SNCB: variants seen among roughly 807,000 people sequenced by gnomAD.
The protein encoded by SNCB is synuclein beta, also known as beta-synuclein.
A neutral mutation model predicts 20.0 loss-of-function variants in SNCB; 8 were observed. That is an observed-to-expected ratio of 0.40 (90% CI 0.24 to 0.72). The LOEUF (loss-of-function observed/expected upper bound fraction) is 0.72, where lower values mean the gene tolerates loss of function less well. Ranked by LOEUF, SNCB falls within the 30% of genes least tolerant of loss-of-function variation. The pLI, the probability that SNCB is intolerant of heterozygous loss-of-function variation, is 0.37. For missense variants in SNCB, 125 were observed against 168.0 expected (o/e 0.74, Z 1.41); for synonymous variants, 56 against 65.4 (o/e 0.86, Z 0.69).
intron 4 of SNCB, among the ~76,000 whole-genome samples, chr5:176,622,788 G>A (rs538530261): frequency 5.5e-4 from 80 of 144,758 alleles, no homozygotes; most frequent in Middle Eastern, 3.7e-3. Context: ...CCAGGCTGGT[G>A]CGCAGTGGTG....
rs764784488 is a variant in SNCB at position 176,621,328 on chromosome 5, C to T, written c.283-25G>A. 6.9e-6 allele frequency: 11 copies of T among 1,595,702 alleles called. No individual in the cohort carries two copies. Among genetic ancestry groups the T allele is most frequent in the South Asian group, 4.5e-5 (4 of 89,020 alleles). On this transcript the variant is annotated intron_variant, in intron 4 of 5. Coordinates refer to ENST00000393693, the MANE Select transcript of SNCB (RefSeq NM_003085.5). This position sits in a 1 kb window ranked among gnomAD's most constrained non-coding sequence, Gnocchi z 4.1. ...GCTGTGGGCAGAAAAGGTCAGGACT[C>T]GTGAGGACAGCCAGGATGCCCCCCA...
chr5:176,628,397 G>A (rs913171747), intron 2 of SNCB, among the ~76,000 whole-genome samples: 1 of 152,094 alleles, frequency 6.6e-6, no homozygotes, highest in Non-Finnish European at 1.5e-5. Context: ...CCCTCATCCT[G>A]TGGCCTCATC....
At position 176,626,837 on chromosome 5, in the gene SNCB, C is replaced by T; in HGVS notation, c.122-76G>A. On this transcript the variant is annotated intron_variant, in intron 2 of 5. Transcript: ENST00000393693. This position sits in a 1 kb window ranked among gnomAD's most constrained non-coding sequence, Gnocchi z 4.2. ...AAACTCCAGCACAGCATGGTGATTA[C>T]AGAGTGGGCATCCTGGCCCCGTCAC... 1 of 1,515,644 alleles carries T rather than the reference C, an allele frequency of 6.6e-7. No homozygotes were observed. Among genetic ancestry groups the T allele is most frequent in the Non-Finnish European group, 9.2e-7 (1 of 1,090,732 alleles). The allele number at this position is 1,515,644 out of a possible 1,614,324, so 93.9% of individuals were successfully genotyped here. A position where few individuals can be genotyped will look rare whatever the true frequency, so the allele number is the denominator to read the frequency against.
At chr5:176,622,737 T>TC in intron 4 of SNCB, among the ~76,000 whole-genome samples, 1 of 141,236 alleles carries the variant, frequency 7.1e-6, no homozygotes, top group Non-Finnish European at 1.5e-5. Context: ...GATGACTTTT[T>TC]TTTTTTTTTT....
At chr5:176,627,511 C>T (rs1760041368) in intron 2 of SNCB, among the ~76,000 whole-genome samples, 1 of 152,232 alleles carries the variant, frequency 6.6e-6, no homozygotes, top group African/African-American at 2.4e-5. Flanking sequence ...TTCAAAATGT[C>T]TGGGGGCCGC....
intron 2 of SNCB, among the ~76,000 whole-genome samples, chr5:176,628,348 T>C (rs1760104798): frequency 6.6e-6 from 1 of 152,046 alleles, no homozygotes; most frequent in Non-Finnish European, 1.5e-5. Context: ...CACTTTAGCC[T>C]TCTCCCGGTC....
intron 4 of SNCB, among the ~76,000 whole-genome samples, chr5:176,623,783 T>C (rs1039922356): frequency 5.3e-5 from 8 of 152,002 alleles, no homozygotes; most frequent in Admixed American, 5.2e-4. Context: ...GGCAGGAGGA[T>C]TGCTTGAGCC....
chr5:176,629,396 A>C lies in SNCB; in HGVS notation c.121+138T>G. The C allele has an allele frequency of 1.1e-6, 1 of 916,484 alleles. No homozygotes were observed. 56.8% of individuals were successfully genotyped at this position (916,484 alleles called of 1,614,324 possible). On this transcript the variant is annotated intron_variant, in intron 2 of 5. Transcript: ENST00000393693. This position sits in a 1 kb window ranked among gnomAD's most constrained non-coding sequence, Gnocchi z 4.1. The stretch of plus-strand genomic sequence containing the variant: ...CTTCTATGGGCTGGCTATGTCCCCT[A>C]TGACCCCTGCTGACCTCGCCCCATC...
In SNCB at chr5:176,626,829, GGT is replaced by G; in HGVS notation, c.122-70_122-69del. 1 of 1,557,564 alleles carries G rather than the reference GGT, an allele frequency of 6.4e-7. No individual in the cohort carries two copies. The highest frequency in any genetic ancestry group is 1.4e-5 in the African/African-American group (1 of 73,886). On this transcript the variant is annotated intron_variant, in intron 2 of 5. Transcript: ENST00000393693. This position sits in a 1 kb window ranked among gnomAD's most constrained non-coding sequence, Gnocchi z 4.2. ...GGGAACAGAAACTCCAGCACAGCAT[GGT>G]GATTACAGAGTGGGCATCCTGGCCC...
rs1020115383 is a variant in SNCB, at chr5:176,629,291, C to T, written c.121+243G>A. 1.8e-6 allele frequency: 1 copy of T among 570,488 alleles called. No individual in the cohort carries two copies. The highest frequency in any genetic ancestry group is 2.9e-5 in the East Asian group (1 of 34,236). The allele number at this position is 570,488 out of a possible 1,614,324, so 35.3% of individuals were successfully genotyped here. The stretch of plus-strand genomic sequence containing the variant: ...AGGAGGCTGTCTGCTTTCATCACTG[C>T]ACTGGTCCCTGGCCTTTCAGCTGGA... On this transcript the variant is annotated intron_variant, in intron 2 of 5. Transcript: ENST00000393693. This position sits in a 1 kb window ranked among gnomAD's most constrained non-coding sequence, Gnocchi z 4.1.
intron 4 of SNCB, among the ~76,000 whole-genome samples, chr5:176,624,835 G>T (rs946944281): frequency 1.3e-5 from 2 of 151,442 alleles, no homozygotes; most frequent in African/African-American, 2.4e-5. Context: ...AAACAAATGG[G>T]AAGTCATACA....
At chr5:176,624,815 A>AAC (rs1173596475) in intron 4 of SNCB, among the ~76,000 whole-genome samples, 4 of 148,358 alleles carry the variant, frequency 2.7e-5, no homozygotes, top group African/African-American at 1.0e-4. Context: ...AAAAAAAAAA[A>AAC]AACAAAAAAA....
Position 176,629,694 on chromosome 5 carries a change from A to C in SNCB, c.-9-31T>G, listed in dbSNP as rs1030691817. On this transcript the variant is annotated intron_variant, in intron 1 of 5. Coordinates refer to ENST00000393693, the MANE Select transcript of SNCB (RefSeq NM_003085.5). The surrounding 1 kb of genome is among the most constrained non-coding windows in gnomAD (Gnocchi z 4.1). ...GAGGGCGATACACGGGCACCGGTGC[A>C]CTGGCCCCGCACTCTCACCCCAGCC... The C allele has an allele frequency of 3.1e-6, 5 of 1,606,854 alleles. No homozygotes were observed. Among genetic ancestry groups the C allele is most frequent in the South Asian group, 1.1e-5 (1 of 90,362 alleles).
rs971949388 is a variant in SNCB, at chr5:176,620,649, A to C, written c.*162T>G. 5 of 681,664 alleles carry C rather than the reference A, an allele frequency of 7.3e-6. No individual in the cohort carries two copies. The African/African-American group carries it at 8.8e-5, about 12-fold the overall frequency. 42.2% of individuals were successfully genotyped at this position (681,664 alleles called of 1,614,324 possible). A position where few individuals can be genotyped will look rare whatever the true frequency, so the allele number is the denominator to read the frequency against. ...GGGGTTGGACGCGGGCGGGTAGGAC[A>C]GACAGATGGACAGACACTAACACAG... On this transcript the variant is annotated 3_prime_UTR_variant, in exon 6 of 6. Coordinates refer to ENST00000393693, the MANE Select transcript of SNCB (RefSeq NM_003085.5). The surrounding 1 kb of genome is among the most constrained non-coding windows in gnomAD (Gnocchi z 4.5).
chr5:176,625,421 G>A (rs1256012134), intron 4 of SNCB, among the ~76,000 whole-genome samples: 1 of 152,162 alleles, frequency 6.6e-6, no homozygotes, highest in East Asian at 1.9e-4. Context: ...CTCAAGCTTT[G>A]AGAATATCTA....
In SNCB at chr5:176,629,998, C is replaced by T. The variant is rs1378223758; in HGVS notation, c.-10+282G>A. On this transcript the variant is annotated intron_variant, in intron 1 of 5. Transcript: ENST00000393693. The surrounding 1 kb of genome is among the most constrained non-coding windows in gnomAD (Gnocchi z 4.1). Reference sequence around the variant, plus strand: ...CGCACGGCACAGTCACACGGTCATGCACACAAACATACACCACGGACAAGC... The same window carrying T: ...CGCACGGCACAGTCACACGGTCATGTACACAAACATACACCACGGACAAGC... 3.8e-6 allele frequency: 1 copy of T among 265,004 alleles called. No individual in the cohort carries two copies. Among genetic ancestry groups the T allele is most frequent in the Non-Finnish European group, 7.3e-6 (1 of 137,218 alleles). The allele number at this position is 265,004 out of a possible 1,614,324, so 16.4% of individuals were successfully genotyped here.
At chr5:176,628,057 CATGGGTGTGGTGGGAA>C (rs992398538) in intron 2 of SNCB, among the ~76,000 whole-genome samples, 1 of 152,160 alleles carries the variant, frequency 6.6e-6, no homozygotes, top group Non-Finnish European at 1.5e-5. Flanking sequence ...TGCCAGGAGC[CATGGGTGTGGTGGGAA>C]ATGTAGACTG....
rs948502579 is a variant in SNCB at position 176,621,576 on chromosome 5, C to T, written c.283-273G>A. On this transcript the variant is annotated intron_variant, in intron 4 of 5. Transcript: ENST00000393693. This position sits in a 1 kb window ranked among gnomAD's most constrained non-coding sequence, Gnocchi z 4.1. ...ATGCCTGGCAGCCTCCACACTTCCACCATTTGGATACTCAGTCACCAGCTT... is the reference window on the plus strand; with the variant it reads ...ATGCCTGGCAGCCTCCACACTTCCATCATTTGGATACTCAGTCACCAGCTT... Among the ~76,000 whole-genome samples the T allele has an allele frequency of 5.9e-5, 9 of 152,218 alleles. No individual in the cohort carries two copies. The highest frequency in any genetic ancestry group is 1.3e-4 in the Non-Finnish European group (9 of 68,032).
At position 176,620,901 on chromosome 5, in the gene SNCB, A is replaced by AC. The variant is rs1759543713; in HGVS notation, c.373-59dup. 1 of 1,504,022 alleles carries AC rather than the reference A, an allele frequency of 6.6e-7. No individual in the cohort carries two copies. Among genetic ancestry groups the AC allele is most frequent in the African/African-American group, 1.4e-5 (1 of 72,800 alleles). The allele number at this position is 1,504,022 out of a possible 1,614,324, so 93.2% of individuals were successfully genotyped here. A position where few individuals can be genotyped will look rare whatever the true frequency, so the allele number is the denominator to read the frequency against. On this transcript the variant is annotated intron_variant, in intron 5 of 5. Coordinates refer to ENST00000393693, the MANE Select transcript of SNCB (RefSeq NM_003085.5). This position sits in a 1 kb window ranked among gnomAD's most constrained non-coding sequence, Gnocchi z 4.5. ...GAGCAAAAAGGAGGAGGAGTTTGAG[A>AC]CCAAGTGGCCAAGCCCCGGCCCAAG...
Sources: allele counts gnomAD v4.1 joint callset (sites outside exome capture counted in the v4.1 genomes callset), GRCh38; gene constraint gnomAD v4.1.1; non-coding constraint Gnocchi (gnomAD v3.1); transcripts MANE v1.5; gene names NCBI Gene and HGNC (gene_info 2026-07-23, HGNC 2026-07-21).